Variants in FHIT observed in about 807,000 individuals in gnomAD.
FHIT encodes bis(5'-adenosyl)-triphosphatase.
A neutral mutation model predicts 17.9 loss-of-function variants in FHIT; 19 were observed. That is an observed-to-expected ratio of 1.06 (90% CI 0.74 to 1.56). FHIT has a LOEUF of 1.56. FHIT is among the 40% of genes most tolerant of loss of function. The probability of loss-of-function intolerance (pLI) is 0.00; values close to 1 mark genes in which losing one functional copy is unlikely to be tolerated. For synonymous variants in FHIT, 81 were observed against 69.7 expected, an observed-to-expected ratio of 1.16 and a Z score of -0.81; for missense variants, 248 against 189.2, an observed-to-expected ratio of 1.31 and a Z score of -1.82.
chr3:60,540,422 A>C lies in FHIT; in HGVS notation c.-17-3443T>G, dbSNP rs1358209673. Among the ~76,000 whole-genome samples, 9 of 152,308 alleles carry C rather than the reference A, an allele frequency of 5.9e-5. No homozygotes were observed. The South Asian group carries it at 1.9e-3, about 32-fold the overall frequency. Reference sequence around the variant, plus strand: ...GAAGTTCCAGAGGCCCAGACTTGCAACTGGTGTCTGAAAGTCAGGTGACAG... The same window carrying C: ...GAAGTTCCAGAGGCCCAGACTTGCACCTGGTGTCTGAAAGTCAGGTGACAG... On this transcript the variant is annotated intron_variant, in intron 4 of 9. Transcript: ENST00000492590.
intron 3 of FHIT, among the ~76,000 whole-genome samples, chr3:60,938,396 C>T (rs1249419790): frequency 2.0e-5 from 3 of 152,166 alleles, no homozygotes; most frequent in African/African-American, 7.2e-5. Context: ...TTTCTCAACA[C>T]ACAGTATGGA....
At chr3:60,022,395 G>C (rs945977650) in intron 5 of FHIT, among the ~76,000 whole-genome samples, 3 of 152,202 alleles carry the variant, frequency 2.0e-5, no homozygotes, top group Admixed American at 1.3e-4. Context: ...GTTGGGTGAA[G>C]CTCAAGGAAT....
chr3:60,693,919 A>G (rs2041052663), intron 4 of FHIT, among the ~76,000 whole-genome samples: 1 of 152,234 alleles, frequency 6.6e-6, no homozygotes, highest in South Asian at 2.1e-4. Context: ...GGCATCCTCT[A>G]CTATTAGTCT....
chr3:60,263,102 T>G (rs2107613432), intron 5 of FHIT, among the ~76,000 whole-genome samples: 1 of 152,038 alleles, frequency 6.6e-6, no homozygotes, highest in African/African-American at 2.4e-5. Flanking sequence ...AAAAAAATGC[T>G]TATCATTAGT....
chr3:60,987,926 T>C (rs993963816), intron 3 of FHIT, among the ~76,000 whole-genome samples: 1 of 152,214 alleles, frequency 6.6e-6, no homozygotes, highest in African/African-American at 2.4e-5. Flanking sequence ...AACTTAGAAT[T>C]CAAACATTAG....
chr3:60,354,004 A>T (rs1699537818), intron 5 of FHIT, among the ~76,000 whole-genome samples: 1 of 152,040 alleles, frequency 6.6e-6, no homozygotes, highest in Non-Finnish European at 1.5e-5. Flanking sequence ...AGATGGCCAG[A>T]GACTTATGTA....
intron 1 of FHIT, among the ~76,000 whole-genome samples, chr3:61,233,801 T>C (rs1304728893): frequency 6.6e-6 from 1 of 152,174 alleles, no homozygotes; most frequent in Non-Finnish European, 1.5e-5. Flanking sequence ...ACTCCCTGAA[T>C]ACAAACATGA....
chr3:60,065,713 A>G (rs1702471077), intron 5 of FHIT, among the ~76,000 whole-genome samples: 1 of 152,168 alleles, frequency 6.6e-6, no homozygotes. Context: ...TGTAGCAGGA[A>G]ACTCTGCTCA....
intron 4 of FHIT, among the ~76,000 whole-genome samples, chr3:60,768,576 G>A (rs1314174051): frequency 6.6e-6 from 1 of 152,214 alleles, no homozygotes; most frequent in Non-Finnish European, 1.5e-5. Context: ...ACATCAATAA[G>A]GAAATCTGTT....
At chr3:60,390,654 T>C (rs1003478496) in intron 5 of FHIT, among the ~76,000 whole-genome samples, 24 of 152,068 alleles carry the variant, frequency 1.6e-4, no homozygotes, top group African/African-American at 5.8e-4. Context: ...GACAGTGATA[T>C]TGATGATCCT....
At chr3:61,205,113 T>C (rs1257573896) in intron 1 of FHIT, among the ~76,000 whole-genome samples, 1 of 152,026 alleles carries the variant, frequency 6.6e-6, no homozygotes, top group Non-Finnish European at 1.5e-5. Context: ...AGAATGATGG[T>C]TTCCAGCTTC....
intron 1 of FHIT, among the ~76,000 whole-genome samples, chr3:61,236,572 A>G (rs1201803487): frequency 6.6e-6 from 1 of 152,170 alleles, no homozygotes; most frequent in Non-Finnish European, 1.5e-5. Context: ...GTTGGAGAGG[A>G]ATAGGACTTC....
chr3:60,423,367 T>G (rs548531471), intron 5 of FHIT, among the ~76,000 whole-genome samples: 1 of 152,102 alleles, frequency 6.6e-6, no homozygotes, highest in African/African-American at 2.4e-5. Context: ...GAGTATGACA[T>G]AAAACATTAT....
intron 7 of FHIT, among the ~76,000 whole-genome samples, chr3:59,993,519 G>A (rs1699377863): frequency 6.6e-6 from 1 of 151,988 alleles, no homozygotes; most frequent in Non-Finnish European, 1.5e-5. Flanking sequence ...TTGGCAAACA[G>A]CCTCTCTACC....
intron 3 of FHIT, among the ~76,000 whole-genome samples, chr3:60,961,344 C>T (rs185612660): frequency 1.3e-5 from 2 of 152,146 alleles, no homozygotes; most frequent in South Asian, 2.1e-4. Context: ...TTGTCAGATG[C>T]GTACATTGTA....
At chr3:60,231,949 G>A (rs1433356075) in intron 5 of FHIT, among the ~76,000 whole-genome samples, 1 of 152,156 alleles carries the variant, frequency 6.6e-6, no homozygotes, top group Non-Finnish European at 1.5e-5. Context: ...GAGACAGGGA[G>A]CATAAAATAA....
At chr3:60,945,702 G>A (rs1456253822) in intron 3 of FHIT, among the ~76,000 whole-genome samples, 2 of 152,104 alleles carry the variant, frequency 1.3e-5, no homozygotes, top group African/African-American at 2.4e-5. Flanking sequence ...AGGGAGATGG[G>A]GACTGTGGGG....
At chr3:60,511,466 C>G (rs1266540953) in intron 5 of FHIT, among the ~76,000 whole-genome samples, 1 of 151,952 alleles carries the variant, frequency 6.6e-6, no homozygotes, top group Non-Finnish European at 1.5e-5. Context: ...TATCTTTAAT[C>G]AAAAATTTGG....
At chr3:60,756,533 C>T (rs1262728858) in intron 4 of FHIT, among the ~76,000 whole-genome samples, 5 of 152,100 alleles carry the variant, frequency 3.3e-5, no homozygotes, top group Non-Finnish European at 7.4e-5. Context: ...CAGCAAGATT[C>T]TCAGAATATG....
Sources: allele counts gnomAD v4.1 joint callset (sites outside exome capture counted in the v4.1 genomes callset), GRCh38; gene constraint gnomAD v4.1.1; transcripts MANE v1.5; gene names NCBI Gene and HGNC (gene_info 2026-07-23, HGNC 2026-07-21).